ARHGAP5: variants seen among roughly 807,000 people sequenced by gnomAD.
The protein encoded by ARHGAP5 is rho GTPase-activating protein 5.
In ARHGAP5, 23 loss-of-function variants were observed where a neutral mutation model predicts 116.6. The ratio of observed to expected loss-of-function variants is 0.20; its 90% confidence interval spans 0.14 to 0.28. The LOEUF (loss-of-function observed/expected upper bound fraction) is 0.28. ARHGAP5 is among the 10% of genes least tolerant of loss of function. ARHGAP5 has a pLI of 1.00. For synonymous variants in ARHGAP5, 574 were observed against 602.0 expected (o/e 0.95, Z 0.68); for missense variants, 1,405 against 1,774.8 (o/e 0.79, Z 3.74).
At chr14:32,106,487 A>G (rs1293032246) in intron 2 of ARHGAP5, among the ~76,000 whole-genome samples, 1 of 152,100 alleles carries the variant, frequency 6.6e-6, no homozygotes, top group Non-Finnish European at 1.5e-5. Context: ...CCTCACCAAT[A>G]TTTGTGGTGC....
intron 2 of ARHGAP5, among the ~76,000 whole-genome samples, chr14:32,101,969 C>T (rs1049994731): frequency 3.3e-5 from 5 of 150,916 alleles, no homozygotes; most frequent in African/African-American, 7.3e-5. Flanking sequence ...GGCGACAGAG[C>T]GAGACTCCAA....
intron 3 of ARHGAP5, among the ~76,000 whole-genome samples, chr14:32,118,598 A>G (rs544805472): frequency 1.3e-5 from 2 of 152,154 alleles, no homozygotes; most frequent in African/African-American, 4.8e-5. Flanking sequence ...TATGGAGGCT[A>G]CATTTGAATA....
chr14:32,099,129 G>T (rs1878674664), intron 2 of ARHGAP5, among the ~76,000 whole-genome samples: 1 of 152,128 alleles, frequency 6.6e-6, no homozygotes, highest in Admixed American at 6.5e-5. Context: ...TGAGGATAAT[G>T]AATGAGATGG....
chr14:32,133,495 G>T (rs1443541713), intron 3 of ARHGAP5, among the ~76,000 whole-genome samples: 1 of 152,138 alleles, frequency 6.6e-6, no homozygotes, highest in Non-Finnish European at 1.5e-5. Context: ...AGACAATGGG[G>T]TTTTCTAGAT....
chr14:32,112,941 A>G (rs1431063419), intron 2 of ARHGAP5, among the ~76,000 whole-genome samples: 1 of 152,180 alleles, frequency 6.6e-6, no homozygotes, highest in Non-Finnish European at 1.5e-5. Context: ...TATTAGAGGT[A>G]CCATTTCTAA....
At chr14:32,126,189 T>C (rs998551110) in intron 3 of ARHGAP5, among the ~76,000 whole-genome samples, 2 of 152,128 alleles carry the variant, frequency 1.3e-5, no homozygotes, top group African/African-American at 4.8e-5. Context: ...GAAGCTTTTA[T>C]TATTTCATCA....
At chr14:32,108,006 A>G (rs1280415941) in intron 2 of ARHGAP5, among the ~76,000 whole-genome samples, 1 of 152,210 alleles carries the variant, frequency 6.6e-6, no homozygotes, top group Non-Finnish European at 1.5e-5. Context: ...AGTGAAGAGT[A>G]TGATATGGGA....
At chr14:32,118,452 A>G (rs1294237242) in intron 3 of ARHGAP5, among the ~76,000 whole-genome samples, 1 of 152,036 alleles carries the variant, frequency 6.6e-6, no homozygotes, top group Non-Finnish European at 1.5e-5. Context: ...AGCCGAGATC[A>G]TGCCACCTGC....
Position 32,084,460 on chromosome 14 carries a change from G to C in ARHGAP5, c.-168-6042G>C, listed in dbSNP as rs147213088. ...AAGCAGTACATAATTTTTGTTAATT[G>C]TGTTTACAAGTGTGACTTCAGGATT... On this transcript the variant is annotated intron_variant, in intron 1 of 6. Coordinates refer to ENST00000345122, the MANE Select transcript of ARHGAP5 (RefSeq NM_001030055.2). 2.6e-3 allele frequency among the ~76,000 whole-genome samples: 395 copies of C among 152,234 alleles called. 2 individuals are homozygous for C. The Middle Eastern group carries it at 0.034, about 13-fold the overall frequency.
intron 2 of ARHGAP5, among the ~76,000 whole-genome samples, chr14:32,095,903 A>G (rs986163645): frequency 6.6e-6 from 1 of 152,188 alleles, no homozygotes; most frequent in Admixed American, 6.5e-5. Context: ...AAGAAAAAAC[A>G]CAGCCTTTCC....
chr14:32,110,039 C>T (rs1879208879), intron 2 of ARHGAP5, among the ~76,000 whole-genome samples: 1 of 151,982 alleles, frequency 6.6e-6, no homozygotes, highest in Admixed American at 6.6e-5. Flanking sequence ...ATAGTAAGGT[C>T]GTTTAATCTA....
intron 3 of ARHGAP5, among the ~76,000 whole-genome samples, chr14:32,143,292 G>A (rs1881222510): frequency 6.6e-6 from 1 of 151,830 alleles, no homozygotes; most frequent in East Asian, 1.9e-4. Flanking sequence ...GCCCAGGCTG[G>A]AGTGCAGTGG....
At chr14:32,095,401 G>GTTTTTTTTTTTTTTTTTT (rs869055864) in intron 2 of ARHGAP5, among the ~76,000 whole-genome samples, 2 of 121,020 alleles carry the variant, frequency 1.7e-5, no homozygotes, top group Non-Finnish European at 1.8e-5. Context: ...TGTAAACTTT[G>GTTTTTTTTTTTTTTTTTT]TTTTTTTTTT....
chr14:32,086,547 A>G lies in ARHGAP5; in HGVS notation c.-168-3955A>G, dbSNP rs942234984. ...AAAGTTAAGGATATATTTTAAAGAT[A>G]GGACCATTAGGAATTTCCTGACATG... is the stretch of plus-strand genomic sequence containing the variant. On this transcript the variant is annotated intron_variant, in intron 1 of 6. Coordinates refer to ENST00000345122, the MANE Select transcript of ARHGAP5 (RefSeq NM_001030055.2). Among the ~76,000 whole-genome samples, 8 of 150,872 alleles carry G rather than the reference A, an allele frequency of 5.3e-5. 1 individual carries two copies. The highest frequency in any genetic ancestry group is 8.8e-5 in the Non-Finnish European group (6 of 68,016).
rs373593195 is a variant in ARHGAP5, at chr14:32,092,989, T to G, written c.2320T>G (p.Ser774Ala). ...CCCAATTCCTGCCAATAAGGACTTA[T>G]CAGAAGCTGACTTGAGAATTGTCAT... ...VSPIPANKDL[S>A]EADLRIVMCA... Residue 774 changes from serine (S) to alanine (A), a missense_variant, in exon 2 of 7, where the codon TCA becomes GCA. This residue lies in a region of ARHGAP5 where 944 missense variants were observed against 1,095.3 expected (regional missense o/e 0.86). Transcript: ENST00000345122. This position sits in a 1 kb window ranked among gnomAD's most constrained non-coding sequence, Gnocchi z 4.1. The G allele has an allele frequency of 3.1e-6, 5 of 1,613,978 alleles. No individual in the cohort carries two copies. The African/African-American group carries it at 5.3e-5, about 17-fold the overall frequency.
chr14:32,117,035 G>A, intron 2 of ARHGAP5, 105 bp from the exon 3 acceptor site: 1 of 804,542 alleles, frequency 1.2e-6, no homozygotes, highest in East Asian at 3.1e-5. Context: ...GGTTGGATGT[G>A]GCTATAAAAT....
chr14:32,099,837 G>A (rs895602162), intron 2 of ARHGAP5, among the ~76,000 whole-genome samples: 1 of 152,092 alleles, frequency 6.6e-6, no homozygotes, highest in East Asian at 1.9e-4. Context: ...GGCATTAATG[G>A]CATCTAAGGA....
Position 32,090,719 on chromosome 14 carries a change from T to C in ARHGAP5, c.50T>C (p.Ile17Thr). The change falls in exon 2 of 7, where the codon ATA (isoleucine) becomes ACA (threonine). Residue 17 changes from isoleucine to threonine, a missense_variant. Ile to Thr is a moderately conservative substitution (Grantham distance 89). Coordinates refer to ENST00000345122, the MANE Select transcript of ARHGAP5 (RefSeq NM_001030055.2). Reference sequence around the variant, plus strand: ...CGTCCCCCATCCTATACCATCAGTATAGTTGGACTCTCTGGGACTGAAAAA... The same window carrying C: ...CGTCCCCCATCCTATACCATCAGTACAGTTGGACTCTCTGGGACTGAAAAA... ...EPRPPSYTISIVGLSGTEKDK... is the reference protein window; with the variant it reads ...EPRPPSYTISTVGLSGTEKDK... The C allele has an allele frequency of 6.2e-7, 1 of 1,613,422 alleles. No homozygotes were observed. Among genetic ancestry groups the C allele is most frequent in the Non-Finnish European group, 8.5e-7 (1 of 1,179,538 alleles).
intron 3 of ARHGAP5, among the ~76,000 whole-genome samples, chr14:32,118,801 C>T (rs1314838431): frequency 2.6e-5 from 4 of 152,072 alleles, no homozygotes; most frequent in African/African-American, 9.7e-5. Context: ...TACAACTGAA[C>T]AATTAGAACA....
Sources: gnomAD v4.1 joint callset for allele counts (sites outside exome capture counted in the v4.1 genomes callset) on GRCh38, gnomAD v4.1.1 for gene constraint, gnomAD v4.1.1 regional missense constraint, Gnocchi (gnomAD v3.1) non-coding constraint, MANE v1.5 for transcripts, NCBI Gene and HGNC (gene_info 2026-07-23, HGNC 2026-07-21) for gene names.